MEIKIN: variants seen among roughly 807,000 people sequenced by gnomAD.
MEIKIN encodes the protein meiotic kinetochore factor, also known as meiosis-specific kinetochore protein.
intron 8 of MEIKIN, among the ~76,000 whole-genome samples, chr5:131,882,095 C>T (rs1022238683): frequency 2.6e-5 from 4 of 152,114 alleles, no homozygotes; most frequent in Non-Finnish European, 4.4e-5. Flanking sequence ...TACCTAATAT[C>T]CAGCCTAATC....
intron 11 of MEIKIN, among the ~76,000 whole-genome samples, chr5:131,824,427 G>C (rs1561723327): frequency 6.6e-6 from 1 of 151,962 alleles, no homozygotes. Context: ...GGCTGAGAGA[G>C]GAGAATCACT....
At chr5:131,855,811 A>G (rs1750182796) in intron 9 of MEIKIN, among the ~76,000 whole-genome samples, 2 of 152,314 alleles carry the variant, frequency 1.3e-5, no homozygotes, top group South Asian at 4.1e-4. Context: ...CAAGAGAGAG[A>G]AAATCTAGGA....
chr5:131,889,790 A>C (rs1042342064), intron 8 of MEIKIN, among the ~76,000 whole-genome samples: 7 of 152,190 alleles, frequency 4.6e-5, no homozygotes, highest in African/African-American at 1.7e-4. Context: ...GGCTTGTGCC[A>C]GTTTTCAAAG....
intron 6 of MEIKIN, among the ~76,000 whole-genome samples, chr5:131,919,416 T>C (rs1025626447): frequency 2.0e-5 from 3 of 152,216 alleles, no homozygotes; most frequent in Non-Finnish European, 4.4e-5. Context: ...CATGAAAATA[T>C]ATATCATAGG....
At chr5:131,942,585 G>A (rs916705624) in intron 4 of MEIKIN, 50 bp downstream of exon 4, 2 of 397,742 alleles carry the variant, frequency 5.0e-6, no homozygotes, top group African/African-American at 2.1e-5. Flanking sequence ...GGATGCTTAT[G>A]TTTGGAGGAA....
chr5:131,870,612 T>G (rs2149624197), intron 9 of MEIKIN, among the ~76,000 whole-genome samples: 1 of 152,346 alleles, frequency 6.6e-6, no homozygotes, highest in African/African-American at 2.4e-5. Flanking sequence ...ACACCTGTCT[T>G]TCCTATCACA....
At chr5:131,892,932 C>T (rs887830845) in intron 8 of MEIKIN, among the ~76,000 whole-genome samples, 3 of 152,142 alleles carry the variant, frequency 2.0e-5, no homozygotes, top group Non-Finnish European at 2.9e-5. Flanking sequence ...TTCCTTCTAA[C>T]AGTCAGGACC....
chr5:131,892,406 GT>G (rs2149634858), intron 8 of MEIKIN, among the ~76,000 whole-genome samples: 1 of 152,278 alleles, frequency 6.6e-6, no homozygotes, highest in African/African-American at 2.4e-5. Context: ...TGGAGGCTTT[GT>G]TCGTTTCTTT....
chr5:131,821,998 T>C (rs1450232536), intron 11 of MEIKIN, among the ~76,000 whole-genome samples: 1 of 152,194 alleles, frequency 6.6e-6, no homozygotes, highest in Non-Finnish European at 1.5e-5. Flanking sequence ...GTATTCACAA[T>C]CATTATATGC....
rs1247149680 is a variant in MEIKIN at position 131,928,139 on chromosome 5, G to A, written c.478+5374C>T. Reference sequence around the variant, plus strand: ...AGCCTGGGCGACAGAGCAAAACTCCGTCTCAAAAAAAAAAAAAAAAAAAAT... The same window carrying A: ...AGCCTGGGCGACAGAGCAAAACTCCATCTCAAAAAAAAAAAAAAAAAAAAT... On this transcript the variant is annotated intron_variant, in intron 5 of 12. Coordinates refer to ENST00000442687, the MANE Select transcript of MEIKIN (RefSeq NM_001303622.2). Among the ~76,000 whole-genome samples, 27 of 118,254 alleles carry A rather than the reference G, an allele frequency of 2.3e-4. No homozygotes were observed. In the South Asian group the frequency reaches 2.7e-3, roughly 12 times the overall value. 77.6% of individuals were successfully genotyped at this position (118,254 alleles called of 152,430 possible).
In MEIKIN at chr5:131,826,091, T is replaced by C. The variant is rs1399569503; in HGVS notation, c.976-7228A>G. On this transcript the variant is annotated intron_variant, in intron 11 of 12. Coordinates refer to ENST00000442687, the MANE Select transcript of MEIKIN (RefSeq NM_001303622.2). ...TGGTGAATTTTTCTTGTTTTCTTTTTTTTTTTTTTTTTTTTACTAGAGATG... is the reference window on the plus strand; with the variant it reads ...TGGTGAATTTTTCTTGTTTTCTTTTCTTTTTTTTTTTTTTTACTAGAGATG... Among the ~76,000 whole-genome samples the C allele has an allele frequency of 8.1e-5, 12 of 148,964 alleles. No individual in the cohort carries two copies. The East Asian group carries it at 1.4e-3, about 17-fold the overall frequency.
At chr5:131,866,552 T>C (rs896201090) in intron 9 of MEIKIN, among the ~76,000 whole-genome samples, 2 of 152,158 alleles carry the variant, frequency 1.3e-5, no homozygotes, top group Admixed American at 6.5e-5. Context: ...GGCAGGAAAC[T>C]GAAAGGGACT....
Position 131,818,881 on chromosome 5 carries a change from C to T in MEIKIN, c.976-18G>A. ...GCAGGAAACTGGAAAAGAAAAAAAGCAGATATTGCATAATTCCTCCAAATA... is the reference window on the plus strand; with the variant it reads ...GCAGGAAACTGGAAAAGAAAAAAAGTAGATATTGCATAATTCCTCCAAATA... On this transcript the variant is annotated intron_variant, in intron 11 of 12. Coordinates refer to ENST00000442687, the MANE Select transcript of MEIKIN (RefSeq NM_001303622.2). 1 of 396,792 alleles carries T rather than the reference C, an allele frequency of 2.5e-6. No homozygotes were observed. The highest frequency in any genetic ancestry group is 4.4e-6 in the Non-Finnish European group (1 of 224,940). The allele number at this position is 396,792 out of a possible 1,614,324, so 24.6% of individuals were successfully genotyped here.
Position 131,885,368 on chromosome 5 carries a change from AG to A in MEIKIN, c.704-6321del, listed in dbSNP as rs1750770664. On this transcript the variant is annotated intron_variant, in intron 8 of 12. Coordinates refer to ENST00000442687, the MANE Select transcript of MEIKIN (RefSeq NM_001303622.2). ...GAGAGAGAGAGAGAGAGAGAGAGAGAGAGAGAGAGAGAGAGAGAGAGAGAGA... is the reference window on the plus strand; with the variant it reads ...GAGAGAGAGAGAGAGAGAGAGAGAGAAGAGAGAGAGAGAGAGAGAGAGAGA... 3.3e-4 allele frequency among the ~76,000 whole-genome samples: 13 copies of A among 39,458 alleles called. No individual in the cohort carries two copies. The East Asian group carries it at 3.7e-3, about 11-fold the overall frequency. The allele number at this position is 39,458 out of a possible 152,430, so 25.9% of individuals were successfully genotyped here.
intron 5 of MEIKIN, among the ~76,000 whole-genome samples, chr5:131,929,120 T>G (rs540195278): frequency 1.1e-4 from 16 of 152,360 alleles, no homozygotes. Context: ...GAATATATCA[T>G]CCCATTCTCT....
chr5:131,901,691 C>T (rs548522813), intron 8 of MEIKIN, among the ~76,000 whole-genome samples: 1 of 152,228 alleles, frequency 6.6e-6, no homozygotes, highest in South Asian at 2.1e-4. Flanking sequence ...TGATACCAGC[C>T]CCACAGAATT....
At chr5:131,874,449 G>T (rs995302336) in intron 9 of MEIKIN, among the ~76,000 whole-genome samples, 5 of 152,206 alleles carry the variant, frequency 3.3e-5, no homozygotes, top group Non-Finnish European at 7.3e-5. Context: ...AAACCAGGAA[G>T]AAGTTGAATC....
chr5:131,892,781 G>A (rs1460606563), intron 8 of MEIKIN, among the ~76,000 whole-genome samples: 2 of 152,196 alleles, frequency 1.3e-5, no homozygotes, highest in African/African-American at 4.8e-5. Flanking sequence ...TTTGGAGGAG[G>A]AGAGGTGCTC....
At chr5:131,905,319 C>T (rs1332637798) in intron 8 of MEIKIN, among the ~76,000 whole-genome samples, 1 of 152,058 alleles carries the variant, frequency 6.6e-6, no homozygotes, top group African/African-American at 2.4e-5. Context: ...AAGTTTATAG[C>T]ACTAAAAGCT....
Sources: allele counts gnomAD v4.1 joint callset (sites outside exome capture counted in the v4.1 genomes callset), GRCh38; gene constraint gnomAD v4.1.1; transcripts MANE v1.5; gene names NCBI Gene and HGNC (gene_info 2026-07-23, HGNC 2026-07-21).